LRP12: variants seen among roughly 807,000 people sequenced by gnomAD.
LRP12 encodes low-density lipoprotein receptor-related protein 12.
Under a neutral mutation model 66.0 loss-of-function variants are expected in LRP12, and 14 were observed. The ratio of observed to expected loss-of-function variants is 0.21; its 90% CI spans 0.14 to 0.33. LRP12 has a LOEUF of 0.33. LRP12 is among the 10% of genes least tolerant of loss of function. The probability of loss-of-function intolerance (pLI) is 1.00; values close to 1 mark genes in which losing one functional copy is unlikely to be tolerated. For missense variants in LRP12, 889 were observed against 1,053.4 expected (o/e 0.84, Z 2.16); for synonymous variants, 357 against 359.1 (o/e 0.99, Z 0.07).
chr8:104,567,360 T>A (rs931072444), intron 1 of LRP12, among the ~76,000 whole-genome samples: 1 of 152,024 alleles, frequency 6.6e-6, no homozygotes, highest in Non-Finnish European at 1.5e-5. Context: ...AAACCCCTCA[T>A]AAACACATCA....
chr8:104,531,335 A>T (rs1294317880), intron 2 of LRP12, among the ~76,000 whole-genome samples: 2 of 152,150 alleles, frequency 1.3e-5, no homozygotes, highest in East Asian at 3.8e-4. Flanking sequence ...TAGTAGTTAT[A>T]AGTCTTTAAG....
chr8:104,586,316 A>G (rs1013542476), intron 1 of LRP12, among the ~76,000 whole-genome samples: 1 of 152,228 alleles, frequency 6.6e-6, no homozygotes, highest in African/African-American at 2.4e-5. Flanking sequence ...TTTTTTATGT[A>G]TGTGAAATGT....
At chr8:104,529,632 C>A (rs1472976291) in intron 2 of LRP12, among the ~76,000 whole-genome samples, 2 of 152,130 alleles carry the variant, frequency 1.3e-5, no homozygotes, top group Non-Finnish European at 2.9e-5. Flanking sequence ...TTCATAAGTT[C>A]TCATACTCTG....
chr8:104,517,158 A>G (rs1811081696), intron 2 of LRP12, among the ~76,000 whole-genome samples: 2 of 150,680 alleles, frequency 1.3e-5, no homozygotes, highest in African/African-American at 4.9e-5. Context: ...TTTTAACTGA[A>G]TCCAAGAAGC....
intron 6 of LRP12, 43 bp downstream of exon 6, chr8:104,495,034 A>G (rs377353210): frequency 1.9e-6 from 3 of 1,584,220 alleles, no homozygotes; most frequent in Non-Finnish European, 2.6e-6. Flanking sequence ...CGCAGATTTC[A>G]TTTTAAGAGG....
chr8:104,495,472 G>A, intron 5 of LRP12: 1 of 325,436 alleles, frequency 3.1e-6, no homozygotes, highest in Non-Finnish European at 5.6e-6. Context: ...CCCTGTAAAA[G>A]GTAAAGGGAG....
At chr8:104,502,745 G>C (rs1810848384) in intron 3 of LRP12, among the ~76,000 whole-genome samples, 2 of 151,910 alleles carry the variant, frequency 1.3e-5, no homozygotes, top group African/African-American at 2.4e-5. Context: ...GTTTATGGGA[G>C]GTCTAGTCCC....
rs368273811 is a variant in LRP12, at chr8:104,494,975, T to C, written c.1713+102A>G. ...ATCTTCCATACATTTAAATCCTTGA[T>C]TGCAAAAATTCTGACAGTCAAGGGT... On this transcript the variant is annotated intron_variant, in intron 6 of 6. Coordinates refer to ENST00000276654, the MANE Select transcript of LRP12 (RefSeq NM_013437.5). 150 of 1,039,254 alleles carry C rather than the reference T, an allele frequency of 1.4e-4. No individual in the cohort carries two copies. In the African/African-American group the frequency reaches 1.8e-3, roughly 13 times the overall value. 64.4% of individuals were successfully genotyped at this position (1,039,254 alleles called of 1,614,324 possible).
At chr8:104,540,276 C>A (rs375459317) in intron 1 of LRP12, among the ~76,000 whole-genome samples, 1 of 152,150 alleles carries the variant, frequency 6.6e-6, no homozygotes, top group Non-Finnish European at 1.5e-5. Context: ...ACCCTGACAA[C>A]ACCTAAATCT....
intron 1 of LRP12, among the ~76,000 whole-genome samples, chr8:104,536,563 C>T (rs1481491651): frequency 6.6e-6 from 1 of 151,938 alleles, no homozygotes; most frequent in African/African-American, 2.4e-5. Context: ...AGAATCCCTG[C>T]TCCTGAAGAG....
At chr8:104,565,734 G>A (rs1388628885) in intron 1 of LRP12, among the ~76,000 whole-genome samples, 10 of 151,732 alleles carry the variant, frequency 6.6e-5, no homozygotes, top group South Asian at 4.2e-4. Flanking sequence ...GGTGGTGGGC[G>A]CCTGTAGTCC....
intron 5 of LRP12, 51 bp downstream of exon 5, chr8:104,496,921 A>T: frequency 6.9e-7 from 1 of 1,442,132 alleles, no homozygotes. Flanking sequence ...CTTGTTTCAA[A>T]CACTTGGGCC....
At chr8:104,561,916 C>T (rs911077877) in intron 1 of LRP12, among the ~76,000 whole-genome samples, 2 of 152,000 alleles carry the variant, frequency 1.3e-5, no homozygotes, top group Non-Finnish European at 1.5e-5. Context: ...ATCCAATGAC[C>T]CTTGGATCCT....
intron 1 of LRP12, among the ~76,000 whole-genome samples, chr8:104,550,907 ATC>A (rs1811715724): frequency 6.6e-6 from 1 of 152,094 alleles, no homozygotes; most frequent in Non-Finnish European, 1.5e-5. Flanking sequence ...TGAATCCTCT[ATC>A]ATTCTTTGCA....
Position 104,589,038 on chromosome 8 carries a change from AG to A in LRP12, c.-142del, listed in dbSNP as rs1452009383. The A allele has an allele frequency of 2.2e-6, 1 of 452,252 alleles. No individual in the cohort carries two copies. Among genetic ancestry groups the A allele is most frequent in the East Asian group, 5.0e-5 (1 of 19,832 alleles). 28.0% of individuals were successfully genotyped at this position (452,252 alleles called of 1,614,324 possible). A position where few individuals can be genotyped will look rare whatever the true frequency, so the allele number is the denominator to read the frequency against. ...TCCCTGCGCTCTCCGCGGCTGCGGG[AG>A]GGGGAAGGGAGGGGCCGCCGCCGCC... On this transcript the variant is annotated 5_prime_UTR_variant, in exon 1 of 7. Transcript: ENST00000276654.
At chr8:104,580,795 G>A (rs77627618) in intron 1 of LRP12, among the ~76,000 whole-genome samples, 6,169 of 152,198 alleles carry the variant, frequency 0.041, 189 homozygotes, top group South Asian at 0.075. Flanking sequence ...AAATGCTTGC[G>A]AGGTTGTGGT....
chr8:104,559,878 AT>A (rs1327248727), intron 1 of LRP12, among the ~76,000 whole-genome samples: 1 of 152,206 alleles, frequency 6.6e-6, no homozygotes, highest in African/African-American at 2.4e-5. Context: ...AAAATATTTA[AT>A]TAGCATGTAT....
intron 2 of LRP12, among the ~76,000 whole-genome samples, chr8:104,509,849 G>A (rs1810966357): frequency 1.3e-5 from 2 of 152,178 alleles, no homozygotes; most frequent in Admixed American, 1.3e-4. Flanking sequence ...GTACCTAAGT[G>A]CTTAGTTAAG....
rs372081697 is a variant in LRP12 at position 104,554,576 on chromosome 8, G to GA, written c.80-22614dup. Among the ~76,000 whole-genome samples, 116 of 151,632 alleles carry GA rather than the reference G, an allele frequency of 7.7e-4. 1 individual carries two copies. In the Middle Eastern group the frequency reaches 0.024, roughly 31 times the overall value. On this transcript the variant is annotated intron_variant, in intron 1 of 6. Transcript: ENST00000276654. ...ATTAATCCAATCTGATATAAACAAG[G>GA]AAAAAAGAATTAAAAATAAAATGAA...
Sources: gnomAD v4.1 joint callset for allele counts (sites outside exome capture counted in the v4.1 genomes callset) on GRCh38, gnomAD v4.1.1 for gene constraint, MANE v1.5 for transcripts, NCBI Gene and HGNC (gene_info 2026-07-23, HGNC 2026-07-21) for gene names.